The following SDK1 variants were observed in gnomAD, a reference collection of about 807,000 sequenced individuals.
SDK1 encodes the protein protein sidekick-1.
SDK1 carries 157 observed loss-of-function variants against 245.5 expected under a neutral mutation model. The ratio of observed to expected loss-of-function variants is 0.64; its 90% CI spans 0.56 to 0.73. The LOEUF (loss-of-function observed/expected upper bound fraction) is 0.73. SDK1 is among the 30% of genes least tolerant of loss of function. SDK1 has a pLI of 0.00. For missense variants in SDK1, 3,583 were observed against 3,002.3 expected, an observed-to-expected ratio of 1.19 and a Z score of -4.52; for synonymous variants, 1,647 against 1,278.5, an observed-to-expected ratio of 1.29 and a Z score of -6.15.
chr7:3,504,305 C>T (rs1782320294), intron 1 of SDK1, among the ~76,000 whole-genome samples: 1 of 150,584 alleles, frequency 6.6e-6, no homozygotes, highest in South Asian at 2.1e-4. Context: ...AGAATTTGAC[C>T]AGCTGATCTT....
chr7:3,815,832 C>T (rs1367316725), intron 4 of SDK1, among the ~76,000 whole-genome samples: 2 of 148,952 alleles, frequency 1.3e-5, no homozygotes, highest in East Asian at 1.9e-4. Context: ...CAAAATTGAC[C>T]ACATAGTTGG....
intron 14 of SDK1, 82 bp from the exon 15 acceptor site, chr7:4,010,884 C>T (rs961221911): frequency 2.8e-6 from 4 of 1,427,496 alleles, no homozygotes; most frequent in Non-Finnish European, 3.9e-6. Context: ...GAGATGTTCC[C>T]TGAGAAAGCC....
At chr7:3,482,291 G>C (rs954445375) in intron 1 of SDK1, among the ~76,000 whole-genome samples, 1 of 152,142 alleles carries the variant, frequency 6.6e-6, no homozygotes, top group Non-Finnish European at 1.5e-5. Flanking sequence ...AATTGGCAGG[G>C]TGAAAAAGGG....
At chr7:3,365,037 T>G (rs565845739) in intron 1 of SDK1, among the ~76,000 whole-genome samples, 1 of 152,316 alleles carries the variant, frequency 6.6e-6, no homozygotes, top group Admixed American at 6.5e-5. Flanking sequence ...GTAAGTAGTA[T>G]TGTATTTTAA....
intron 1 of SDK1, among the ~76,000 whole-genome samples, chr7:3,322,790 A>G (rs1316071576): frequency 6.6e-6 from 1 of 151,896 alleles, no homozygotes; most frequent in Non-Finnish European, 1.5e-5. Context: ...TCTTCACCTA[A>G]TGTGTTGTCC....
intron 2 of SDK1, among the ~76,000 whole-genome samples, chr7:3,633,393 G>GCTAC (rs1475384291): frequency 1.3e-5 from 2 of 152,110 alleles, no homozygotes; most frequent in African/African-American, 4.8e-5. Flanking sequence ...GCCTGTAACA[G>GCTAC]GTAGATTCGG....
intron 11 of SDK1, among the ~76,000 whole-genome samples, chr7:3,970,549 C>T (rs936634018): frequency 6.6e-6 from 1 of 152,180 alleles, no homozygotes; most frequent in African/African-American, 2.4e-5. Context: ...TTGGCGATGA[C>T]CTTGAGCAGT....
At chr7:4,019,222 C>T (rs539332670) in intron 17 of SDK1, among the ~76,000 whole-genome samples, 5 of 152,306 alleles carry the variant, frequency 3.3e-5, no homozygotes, top group Non-Finnish European at 5.9e-5. Context: ...GTTTCATTTT[C>T]AGACACCTGT....
At chr7:3,471,940 C>G (rs942855935) in intron 1 of SDK1, among the ~76,000 whole-genome samples, 1 of 152,172 alleles carries the variant, frequency 6.6e-6, no homozygotes, top group Admixed American at 6.5e-5. Flanking sequence ...AATAATCAAA[C>G]TCTTTAAGTT....
In SDK1 at chr7:3,764,011, T is replaced by G. The variant is rs1029123645; in HGVS notation, c.714-57439T>G. The stretch of plus-strand genomic sequence containing the variant: ...AAAAGGAAACCACAATTTTGAAAAT[T>G]TTTGCCATAGAAAATACAGCCTTGG... On this transcript the variant is annotated intron_variant, in intron 4 of 44. Coordinates refer to ENST00000404826, the MANE Select transcript of SDK1 (RefSeq NM_152744.4). Among the ~76,000 whole-genome samples the G allele has an allele frequency of 7.2e-5, 11 of 152,150 alleles. 1 individual carries two copies. The highest frequency in any genetic ancestry group is 1.9e-4 in the African/African-American group (8 of 41,432).
intron 5 of SDK1, among the ~76,000 whole-genome samples, chr7:3,859,336 C>T (rs1717166484): frequency 6.6e-6 from 1 of 152,132 alleles, no homozygotes; most frequent in Non-Finnish European, 1.5e-5. Context: ...GCTGTCATTG[C>T]ATGATGGCAT....
At chr7:3,903,237 G>A (rs188851365) in intron 5 of SDK1, among the ~76,000 whole-genome samples, 5 of 149,864 alleles carry the variant, frequency 3.3e-5, no homozygotes, top group East Asian at 2.0e-4. Flanking sequence ...TCCACCTCCC[G>A]GGTTCACTCC....
intron 5 of SDK1, among the ~76,000 whole-genome samples, chr7:3,906,949 C>G (rs989415206): frequency 6.6e-6 from 1 of 152,062 alleles, no homozygotes; most frequent in Non-Finnish European, 1.5e-5. Flanking sequence ...TTTTTGATCT[C>G]CTTTCTAGCG....
intron 1 of SDK1, among the ~76,000 whole-genome samples, chr7:3,494,646 C>T (rs1781967537): frequency 6.6e-6 from 1 of 152,224 alleles, no homozygotes; most frequent in Admixed American, 6.5e-5. Context: ...CCTTCCTCAT[C>T]TCCCAACAAT....
At chr7:4,073,471 C>T (rs1358990038) in intron 20 of SDK1, among the ~76,000 whole-genome samples, 3 of 152,310 alleles carry the variant, frequency 2.0e-5, no homozygotes, top group Non-Finnish European at 4.4e-5. Flanking sequence ...ACTGCTCTTC[C>T]TGAAGATGCT....
chr7:3,936,949 G>A (rs896698023), intron 5 of SDK1, among the ~76,000 whole-genome samples: 3 of 152,260 alleles, frequency 2.0e-5, no homozygotes, highest in African/African-American at 2.4e-5. Flanking sequence ...AATGCCACAC[G>A]GTCAGGTGTA....
At chr7:3,919,352 C>A (rs539050419) in intron 5 of SDK1, among the ~76,000 whole-genome samples, 21 of 151,820 alleles carry the variant, frequency 1.4e-4, no homozygotes, top group African/African-American at 5.1e-4. Flanking sequence ...CTCTTTAAGT[C>A]AGGTGTTTGC....
intron 5 of SDK1, among the ~76,000 whole-genome samples, chr7:3,852,195 T>G (rs1780434739): frequency 6.6e-6 from 1 of 151,660 alleles, no homozygotes; most frequent in African/African-American, 2.4e-5. Context: ...TTTTTTTAAC[T>G]TGAGATTCTT....
At chr7:3,530,234 G>A (rs1783297272) in intron 1 of SDK1, among the ~76,000 whole-genome samples, 1 of 152,146 alleles carries the variant, frequency 6.6e-6, no homozygotes, top group South Asian at 2.1e-4. Flanking sequence ...TAGAGCCTTA[G>A]AAACGACCCA....
Sources: allele counts gnomAD v4.1 joint callset (sites outside exome capture counted in the v4.1 genomes callset), GRCh38; gene constraint gnomAD v4.1.1; transcripts MANE v1.5; gene names NCBI Gene and HGNC (gene_info 2026-07-23, HGNC 2026-07-21).